PROM1: variants seen among roughly 807,000 people sequenced by gnomAD.
The protein encoded by PROM1 is prominin-1.
PROM1 carries 105 observed loss-of-function variants against 116.9 expected under a neutral mutation model. The observed-to-expected ratio is 0.90, with a 90% CI of 0.77 to 1.06. The LOEUF (loss-of-function observed/expected upper bound fraction) is 1.06. PROM1 is among the 50% of genes least tolerant of loss of function. The pLI is 0.00. For missense variants in PROM1, 1,122 were observed against 1,045.2 expected (o/e 1.07, Z -1.01); for synonymous variants, 393 against 387.0 (o/e 1.02, Z -0.18).
At chr4:16,064,977 G>A (rs147568202) in intron 2 of PROM1, among the ~76,000 whole-genome samples, 5 of 152,312 alleles carry the variant, frequency 3.3e-5, no homozygotes, top group African/African-American at 1.2e-4. Context: ...AAGCTCCCTG[G>A]TGATGCTGAT....
At chr4:15,994,128 C>G in intron 15 of PROM1, 57 bp from the exon 16 acceptor site, 2 of 1,608,614 alleles carry the variant, frequency 1.2e-6, no homozygotes, top group East Asian at 2.2e-5. Context: ...CTACCTCTGT[C>G]CACCACTGAA....
At chr4:16,025,752 G>C (rs1464621464) in intron 5 of PROM1, among the ~76,000 whole-genome samples, 1 of 151,822 alleles carries the variant, frequency 6.6e-6, no homozygotes, top group East Asian at 1.9e-4. Context: ...TCTGCTCCCT[G>C]ACCCCCCAAA....
At chr4:15,980,228 G>C (rs1381721980) in intron 24 of PROM1, 194 bp downstream of exon 24, 1 of 595,678 alleles carries the variant, frequency 1.7e-6, no homozygotes, top group Non-Finnish European at 2.9e-6. Context: ...GAGGAAAAAA[G>C]TAGTTAAAAC....
intron 9 of PROM1, 38 bp downstream of exon 9, chr4:16,018,285 A>C (rs1254366807): frequency 6.3e-7 from 1 of 1,595,632 alleles, no homozygotes. Context: ...AATCCCCAGC[A>C]TGCAGCCCTT....
intron 16 of PROM1, among the ~76,000 whole-genome samples, chr4:15,992,879 T>C (rs777566999): frequency 3.3e-5 from 5 of 152,032 alleles, no homozygotes; most frequent in Non-Finnish European, 7.4e-5. Context: ...TGGGGAACAG[T>C]GTTTAGTTAC....
intron 19 of PROM1, 121 bp downstream of exon 19, chr4:15,989,611 G>A: frequency 1.2e-6 from 1 of 839,240 alleles, no homozygotes; most frequent in African/African-American, 1.7e-5. Flanking sequence ...TTCTGGGGCT[G>A]AAGCCAGTCA....
At chr4:16,026,498 C>T (rs548360137) in intron 5 of PROM1, among the ~76,000 whole-genome samples, 43 of 152,250 alleles carry the variant, frequency 2.8e-4, no homozygotes, top group African/African-American at 1.0e-3. Flanking sequence ...AATAGGCAAA[C>T]TTTAAAAACA....
Position 16,083,974 on chromosome 4 carries a change from T to G in PROM1, c.-213+4A>C, listed in dbSNP as rs1264544051. On this transcript the variant is annotated splice_donor_region_variant and intron_variant, in intron 1 of 27. Transcript: ENST00000447510. ...AATGGAAAGGATTCCTTAAACATAC[T>G]CACCGCGGCGGGAGAGCTGAGAGCA... 1 of 152,240 alleles carries G rather than the reference T, an allele frequency of 6.6e-6. No individual in the cohort carries two copies. The highest frequency in any genetic ancestry group is 2.4e-5 in the African/African-American group (1 of 41,446). 9.4% of individuals were successfully genotyped at this position (152,240 alleles called of 1,614,324 possible).
chr4:16,028,783 T>C (rs996101950), intron 5 of PROM1, among the ~76,000 whole-genome samples: 1 of 152,232 alleles, frequency 6.6e-6, no homozygotes, highest in African/African-American at 2.4e-5. Context: ...TTGACATAAA[T>C]GCCTTTAAAC....
At chr4:15,974,971 C>A (rs963989543) in intron 26 of PROM1, among the ~76,000 whole-genome samples, 24 of 152,190 alleles carry the variant, frequency 1.6e-4, no homozygotes, top group African/African-American at 5.3e-4. Context: ...CGGCTAATAT[C>A]CAGAGCCCAG....
chr4:16,001,293 G>A (rs1004150506), intron 13 of PROM1, among the ~76,000 whole-genome samples: 1 of 152,188 alleles, frequency 6.6e-6, no homozygotes, highest in African/African-American at 2.4e-5. Flanking sequence ...GAGAAGATGG[G>A]CTGGATGTTG....
At chr4:15,993,759 A>G (rs1255446685) in intron 16 of PROM1, among the ~76,000 whole-genome samples, 1 of 152,222 alleles carries the variant, frequency 6.6e-6, no homozygotes, top group Non-Finnish European at 1.5e-5. Context: ...TGCATAATCC[A>G]CTAGGAAAAC....
chr4:15,994,173 A>T, intron 15 of PROM1, 102 bp from the exon 16 acceptor site: 1 of 1,560,886 alleles, frequency 6.4e-7, no homozygotes, highest in Non-Finnish European at 8.7e-7. Context: ...CTCCTTGTTT[A>T]ATCTGTGAAC....
chr4:16,012,243 C>T (rs189170158), intron 11 of PROM1, among the ~76,000 whole-genome samples: 51 of 152,214 alleles, frequency 3.4e-4, no homozygotes, highest in African/African-American at 1.2e-3. Flanking sequence ...GTGACCTACC[C>T]GCCTTGGCCT....
In PROM1 at chr4:15,998,415, TTTGA is replaced by T. The variant is rs2149169604; in HGVS notation, c.1648_1651del (p.Ser550LysfsTer2). 3 of 1,606,444 alleles carry T rather than the reference TTTGA, an allele frequency of 1.9e-6. No individual in the cohort carries two copies. Among genetic ancestry groups the T allele is most frequent in the Non-Finnish European group, 2.5e-6 (3 of 1,177,844 alleles). ...AACTTGTTCAAAAGTGAGCTTCATT[TTTGA>T]TTTATTAAATAGCTTCCCAGAGAGA... On this transcript the variant is annotated frameshift_variant, in exon 15 of 28. Transcript: ENST00000447510. LOFTEE classifies it high-confidence loss of function.
chr4:16,019,805 C>T (rs532093296), intron 8 of PROM1, among the ~76,000 whole-genome samples: 1 of 152,086 alleles, frequency 6.6e-6, no homozygotes, highest in Non-Finnish European at 1.5e-5. Context: ...AATGAATGCC[C>T]TTAAAAACTG....
chr4:16,019,431 A>G (rs1056898212), intron 8 of PROM1, among the ~76,000 whole-genome samples: 2 of 152,366 alleles, frequency 1.3e-5, no homozygotes, highest in Admixed American at 1.3e-4. Context: ...CAAACAACGC[A>G]TATTCTACAG....
chr4:16,011,953 A>G (rs1253563679), intron 11 of PROM1, among the ~76,000 whole-genome samples: 1 of 152,176 alleles, frequency 6.6e-6, no homozygotes, highest in Non-Finnish European at 1.5e-5. Context: ...GAAATAGAAG[A>G]TAGCTTTACA....
At chr4:15,982,810 G>C (rs1292548279) in intron 23 of PROM1, among the ~76,000 whole-genome samples, 1 of 151,982 alleles carries the variant, frequency 6.6e-6, no homozygotes, top group African/African-American at 2.4e-5. Context: ...GTAGTTGCAA[G>C]AAGAAGGAAG....
Sources: gnomAD v4.1 joint callset for allele counts (sites outside exome capture counted in the v4.1 genomes callset) on GRCh38, gnomAD v4.1.1 for gene constraint, MANE v1.5 for transcripts, NCBI Gene and HGNC (gene_info 2026-07-23, HGNC 2026-07-21) for gene names.